The following SLC35D1 variants were observed in gnomAD, a reference collection of about 807,000 sequenced individuals.
SLC35D1 encodes the protein solute carrier family 35 member D1, also known as nucleotide sugar transporter SLC35D1.
A neutral mutation model predicts 46.7 loss-of-function variants in SLC35D1; 31 were observed. The ratio of observed to expected loss-of-function variants is 0.66; its 90% CI spans 0.50 to 0.90. The LOEUF is 0.90. Among genes scored for constraint, SLC35D1 ranks in the 40% least tolerant of loss-of-function variants. The pLI, the probability that SLC35D1 is intolerant of heterozygous loss-of-function variation, is 0.00. For missense variants in SLC35D1, 397 were observed against 426.2 expected (o/e 0.93, Z 0.60); for synonymous variants, 195 against 164.6 (o/e 1.18, Z -1.41).
In SLC35D1 at chr1:67,002,171, T is replaced by C. The variant is rs1283303868; in HGVS notation, c.*2169A>G. ...AATAGCTCTCACTATGCCCTTTCAC[T>C]GTACCTAAGCAAAACCAGGAAGTGT... On this transcript the variant is annotated 3_prime_UTR_variant, in exon 12 of 12. Transcript: ENST00000235345. The C allele has an allele frequency of 2.6e-5, 4 of 152,378 alleles. No individual in the cohort carries two copies. Among genetic ancestry groups the C allele is most frequent in the South Asian group, 2.1e-4 (1 of 4,830 alleles). The allele number at this position is 152,378 out of a possible 1,614,324, so 9.4% of individuals were successfully genotyped here.
the SLC35D1 span, among the ~76,000 whole-genome samples, chr1:66,980,166 A>T: frequency 2.0e-5 from 3 of 152,218 alleles, no homozygotes; most frequent in Admixed American, 2.0e-4. Context: ...TAGCACCTGA[A>T]GTCCCTTTGG....
chr1:67,032,745 T>C (rs972062144), intron 8 of SLC35D1, among the ~76,000 whole-genome samples: 9 of 152,182 alleles, frequency 5.9e-5, no homozygotes, highest in Non-Finnish European at 1.2e-4. Flanking sequence ...CCCTCAAGCA[T>C]TTATCCTTTG....
intron 8 of SLC35D1, among the ~76,000 whole-genome samples, chr1:67,038,261 A>C (rs982095701): frequency 1.3e-5 from 2 of 152,188 alleles, no homozygotes; most frequent in Non-Finnish European, 2.9e-5. Context: ...AATAACTCTA[A>C]ACAGGCTAAC....
At chr1:67,044,101 C>T (rs1458224997) in intron 7 of SLC35D1, among the ~76,000 whole-genome samples, 1 of 152,054 alleles carries the variant, frequency 6.6e-6, no homozygotes, top group Non-Finnish European at 1.5e-5. Context: ...TTGGGGAGGC[C>T]AAGACAGGCG....
Position 67,032,029 on chromosome 1 carries a change from C to T in SLC35D1, c.729+10207G>A. On this transcript the variant is annotated intron_variant, in intron 8 of 11. Transcript: ENST00000235345. ...TTGTGAAGAGAATGACCTACCTGGT[C>T]ATTCTGTGTGTGACACAGAACTAAA... 3 of 984,552 alleles carry T rather than the reference C, an allele frequency of 3.0e-6. No individual in the cohort carries two copies. In the South Asian group the frequency reaches 1.4e-4, roughly 46 times the overall value. The allele number at this position is 984,552 out of a possible 1,614,324, so 61.0% of individuals were successfully genotyped here.
chr1:67,049,880 C>G (rs755024919), intron 5 of SLC35D1, 30 bp from the exon 6 acceptor site: 2 of 1,510,162 alleles, frequency 1.3e-6, no homozygotes. Context: ...AAAATACACA[C>G]ATGACTTTAT....
the SLC35D1 span, chr1:66,985,751 T>C: frequency 1.0e-6 from 1 of 972,936 alleles, no homozygotes; most frequent in African/African-American, 1.8e-5. Flanking sequence ...TTTTAAGTGT[T>C]TGTGTAGTAA....
intron 8 of SLC35D1, among the ~76,000 whole-genome samples, chr1:67,025,620 G>A (rs777596699): frequency 2.0e-5 from 3 of 152,188 alleles, no homozygotes; most frequent in Non-Finnish European, 4.4e-5. Flanking sequence ...TCTTCCCATA[G>A]AGTTGGGGTG....
At chr1:67,046,015 C>T (rs980961923) in intron 7 of SLC35D1, among the ~76,000 whole-genome samples, 9 of 152,130 alleles carry the variant, frequency 5.9e-5, no homozygotes, top group Admixed American at 1.3e-4. Flanking sequence ...AAAATTCTTA[C>T]TAGTAGCTTC....
chr1:67,043,742 T>C (rs891718033), intron 7 of SLC35D1, among the ~76,000 whole-genome samples: 1 of 152,126 alleles, frequency 6.6e-6, no homozygotes, highest in Non-Finnish European at 1.5e-5. Context: ...ACTTACTGGG[T>C]TCTTAGCTAC....
intron 8 of SLC35D1, among the ~76,000 whole-genome samples, chr1:67,040,068 C>T (rs1005365457): frequency 3.3e-5 from 5 of 151,416 alleles, no homozygotes; most frequent in Non-Finnish European, 5.9e-5. Context: ...AATCATGGCT[C>T]ACTGCAGCCT....
chr1:66,985,187 T>A, the SLC35D1 span: 6 of 969,414 alleles, frequency 6.2e-6, no homozygotes, highest in Non-Finnish European at 7.5e-6. Flanking sequence ...ATTTACTAAT[T>A]TTGGTAAATC....
intron 8 of SLC35D1, among the ~76,000 whole-genome samples, chr1:67,032,656 G>C (rs936297388): frequency 1.3e-5 from 2 of 152,084 alleles, no homozygotes; most frequent in Non-Finnish European, 2.9e-5. Flanking sequence ...ACTCCAGCCT[G>C]GGCAAGAAGA....
At chr1:66,974,755 G>C in the SLC35D1 span, among the ~76,000 whole-genome samples, 1 of 152,072 alleles carries the variant, frequency 6.6e-6, no homozygotes, top group Non-Finnish European at 1.5e-5. Context: ...ACAAAAAGAG[G>C]ACAGTAATTC....
At chr1:66,985,799 A>T in the SLC35D1 span, 5 of 872,244 alleles carry the variant, frequency 5.7e-6, no homozygotes, top group Non-Finnish European at 6.8e-6. Context: ...TAAAGCATTC[A>T]TAAAGGATTA....
At chr1:67,031,069 A>G (rs1202977644) in intron 8 of SLC35D1, among the ~76,000 whole-genome samples, 1 of 152,236 alleles carries the variant, frequency 6.6e-6, no homozygotes, top group East Asian at 1.9e-4. Flanking sequence ...AAATGCCCCA[A>G]ATATATACTG....
At chr1:66,994,863 A>T (rs1444186537), downstream of SLC35D1, among the ~76,000 whole-genome samples, 1 of 151,684 alleles carries the variant, frequency 6.6e-6, no homozygotes, top group Non-Finnish European at 1.5e-5. Context: ...ATGCTTAATT[A>T]AAAAAATGTT....
the SLC35D1 span, among the ~76,000 whole-genome samples, chr1:66,992,730 A>T: frequency 6.6e-6 from 1 of 152,262 alleles, no homozygotes; most frequent in South Asian, 2.1e-4. Flanking sequence ...CTTTGCGGTT[A>T]GGCAGGTAGG....
chr1:67,020,580 C>T (rs938434073), intron 9 of SLC35D1, 133 bp from the exon 10 acceptor site: 2 of 684,230 alleles, frequency 2.9e-6, no homozygotes, highest in Non-Finnish European at 5.3e-6. Flanking sequence ...CACCTCACTG[C>T]TTCTTATACT....
Sources: allele counts gnomAD v4.1 joint callset (sites outside exome capture counted in the v4.1 genomes callset), GRCh38; gene constraint gnomAD v4.1.1; transcripts MANE v1.5; gene names NCBI Gene and HGNC (gene_info 2026-07-23, HGNC 2026-07-21).